Variants in ANXA10 observed in about 807,000 individuals in gnomAD.
ANXA10 encodes the protein annexin A10, also known as annexin 14.
In ANXA10, 49 loss-of-function variants were observed where a neutral mutation model predicts 53.5. The ratio of observed to expected loss-of-function variants is 0.92; its 90% confidence interval spans 0.73 to 1.16. The LOEUF (loss-of-function observed/expected upper bound fraction) is 1.16. Ranked by LOEUF, ANXA10 falls within the 50% of genes most tolerant of loss-of-function variation. ANXA10 has a pLI of 0.00. For synonymous variants in ANXA10, 131 were observed against 128.9 expected, an observed-to-expected ratio of 1.02 and a Z score of -0.11; for missense variants, 393 against 394.4, an observed-to-expected ratio of 1.00 and a Z score of 0.03.
intron 3 of ANXA10, among the ~76,000 whole-genome samples, chr4:168,140,840 G>A (rs1465405709): frequency 1.3e-5 from 2 of 152,084 alleles, no homozygotes; most frequent in African/African-American, 2.4e-5. Context: ...GGCTGGTCTC[G>A]ACCTCCTGAC....
intron 6 of ANXA10, among the ~76,000 whole-genome samples, chr4:168,171,147 C>G (rs1255390501): frequency 6.6e-6 from 1 of 152,252 alleles, no homozygotes; most frequent in African/African-American, 2.4e-5. Flanking sequence ...CTGTGGTGTA[C>G]ACAATTTCAG....
At chr4:168,162,964 G>T (rs963585410) in intron 4 of ANXA10, among the ~76,000 whole-genome samples, 7 of 152,136 alleles carry the variant, frequency 4.6e-5, no homozygotes, top group Non-Finnish European at 7.3e-5. Context: ...CCCTGAGCAT[G>T]TATTCCTATA....
rs1284500447 is a variant in ANXA10 at position 168,118,293 on chromosome 4, C to T, written c.19-9791C>T. ...AGATTAAATATAAACATAAGCATTT[C>T]CTCTTTCAGCTGAAATGAGTATGGT... On this transcript the variant is annotated intron_variant, in intron 1 of 11. Transcript: ENST00000359299. Among the ~76,000 whole-genome samples the T allele has an allele frequency of 5.3e-5, 8 of 152,254 alleles. No homozygotes were observed. The East Asian group carries it at 1.3e-3, about 26-fold the overall frequency.
chr4:168,177,707 C>T (rs552677976), intron 6 of ANXA10, 33 bp from the exon 7 acceptor site: 3 of 1,610,184 alleles, frequency 1.9e-6, no homozygotes, highest in Non-Finnish European at 2.6e-6. Flanking sequence ...TGACTAAGAA[C>T]ATTTACATGG....
rs767502615 is a variant in ANXA10 at position 168,092,694 on chromosome 4, C to G, written c.-7C>G. ...TTTCATCCCTGAGGTTAACAATTACCATCAAAATGTTTTGTGGAGACTATG... is the reference window on the plus strand; with the variant it reads ...TTTCATCCCTGAGGTTAACAATTACGATCAAAATGTTTTGTGGAGACTATG... On this transcript the variant is annotated 5_prime_UTR_variant, in exon 1 of 12. Transcript: ENST00000359299. The G allele has an allele frequency of 5.7e-6, 9 of 1,592,276 alleles. No individual in the cohort carries two copies.
In ANXA10 at chr4:168,187,350, A is replaced by G. The variant is rs1431775303; in HGVS notation, c.907-16A>G. 1.6e-5 allele frequency: 24 copies of G among 1,526,296 alleles called. No homozygotes were observed. Among genetic ancestry groups the G allele is most frequent in the Non-Finnish European group, 2.2e-5 (24 of 1,114,566 alleles). The allele number at this position is 1,526,296 out of a possible 1,614,324, so 94.5% of individuals were successfully genotyped here. A position where few individuals can be genotyped will look rare whatever the true frequency, so the allele number is the denominator to read the frequency against. ...TATGATATTTTATTTCAAATATATT[A>G]TATTTTTCTTTTCAGAATTTTGCTT... On this transcript the variant is annotated splice_polypyrimidine_tract_variant and intron_variant, in intron 11 of 11. Transcript: ENST00000359299.
chr4:168,154,641 A>T (rs1560782849), intron 3 of ANXA10, among the ~76,000 whole-genome samples: 1 of 152,158 alleles, frequency 6.6e-6, no homozygotes. Context: ...TTTGCATTCA[A>T]ACCTTCAACG....
intron 1 of ANXA10, chr4:168,127,870 G>T: frequency 3.0e-6 from 1 of 334,602 alleles, no homozygotes; most frequent in Non-Finnish European, 5.4e-6. Context: ...GGGATTACAG[G>T]CGCCACAACA....
At position 168,187,406 on chromosome 4, in the gene ANXA10, T is replaced by A. The variant is rs769669353; in HGVS notation, c.947T>A (p.Ile316Asn). 2.5e-6 allele frequency: 4 copies of A among 1,599,306 alleles called. No homozygotes were observed. The African/African-American group carries it at 5.4e-5, about 21-fold the overall frequency. The change falls in exon 12 of 12, where the codon ATC (isoleucine) becomes AAC (asparagine). Residue 316 changes from isoleucine (I) to asparagine (N), a missense_variant. Ile to Asn is a moderately radical substitution (Grantham distance 149, BLOSUM62 -3). Transcript: ENST00000359299. ...SGHYKKALLA[I>N]CAGDAEDY is the part of the protein sequence containing the mutation. ...CATTATAAGAAAGCACTGCTTGCCA[T>A]CTGTGCTGGTGATGCTGAGGACTAC...
intron 3 of ANXA10, among the ~76,000 whole-genome samples, chr4:168,155,759 A>G (rs1341598424): frequency 4.0e-5 from 1 of 25,032 alleles, no homozygotes; most frequent in Admixed American, 8.4e-4. Context: ...TATATTATAT[A>G]ATATATGATA....
intron 3 of ANXA10, among the ~76,000 whole-genome samples, chr4:168,153,442 C>CAAAAAAAAAAAAAAAAAA (rs1560782282): frequency 4.7e-5 from 2 of 42,934 alleles, no homozygotes; most frequent in Non-Finnish European, 9.6e-5. Flanking sequence ...AAAAAAAAAA[C>CAAAAAAAAAAAAAAAAAA]AAAAACAAAA....
intron 10 of ANXA10, among the ~76,000 whole-genome samples, chr4:168,184,016 C>T (rs1405119157): frequency 6.6e-6 from 1 of 152,096 alleles, no homozygotes; most frequent in African/African-American, 2.4e-5. Flanking sequence ...TGAATTTAAA[C>T]CGGCAAATAT....
intron 1 of ANXA10, among the ~76,000 whole-genome samples, chr4:168,094,121 T>C (rs940772859): frequency 1.1e-4 from 17 of 152,196 alleles, no homozygotes; most frequent in Admixed American, 1.1e-3. Flanking sequence ...CTAATGTTAC[T>C]ATTTATATGC....
At chr4:168,164,021 A>G (rs894956228) in intron 4 of ANXA10, among the ~76,000 whole-genome samples, 177 bp from the exon 5 acceptor site, 6 of 152,192 alleles carry the variant, frequency 3.9e-5, no homozygotes, top group African/African-American at 1.2e-4. Context: ...TCAGGGTCAA[A>G]TAGGTAGTAA....
chr4:168,143,654 T>C (rs1436990443), intron 3 of ANXA10, among the ~76,000 whole-genome samples: 1 of 152,182 alleles, frequency 6.6e-6, no homozygotes, highest in African/African-American at 2.4e-5. Flanking sequence ...AAACAGACAA[T>C]GATTCTTGGA....
intron 3 of ANXA10, among the ~76,000 whole-genome samples, chr4:168,154,573 T>C (rs868424560): frequency 6.6e-6 from 1 of 152,188 alleles, no homozygotes; most frequent in African/African-American, 2.4e-5. Context: ...TTTCTACCTT[T>C]CTATCAACTG....
rs1284353884 is a variant in ANXA10 at position 168,165,274 on chromosome 4, T to C, written c.428T>C (p.Ile143Thr). ...TACAGCAATAACCTCCAAGAGGACA[T>C]TTATTCAGAGACCTCAGGACACTTC... Reference protein sequence around the residue: ...LQYSNNLQEDIYSETSGHFRD... With the variant: ...LQYSNNLQEDTYSETSGHFRD... Residue 143 changes from isoleucine to threonine, a missense_variant, in exon 6 of 12, where the codon ATT becomes ACT. Physicochemically the swap from Ile to Thr is moderately conservative, Grantham distance 89. Transcript: ENST00000359299. The C allele has an allele frequency of 1.9e-6, 3 of 1,595,114 alleles. No individual in the cohort carries two copies.
chr4:168,176,721 C>T (rs1018891690), intron 6 of ANXA10, among the ~76,000 whole-genome samples: 1 of 152,118 alleles, frequency 6.6e-6, no homozygotes, highest in Admixed American at 6.6e-5. Context: ...GATGACAGGA[C>T]TAGGCACAGT....
At chr4:168,144,689 T>A (rs1731380848) in intron 3 of ANXA10, among the ~76,000 whole-genome samples, 1 of 152,216 alleles carries the variant, frequency 6.6e-6, no homozygotes. Context: ...CCCACAACAA[T>A]GATCCTTAAC....
Sources: allele counts gnomAD v4.1 joint callset (sites outside exome capture counted in the v4.1 genomes callset), GRCh38; gene constraint gnomAD v4.1.1; transcripts MANE v1.5; gene names NCBI Gene and HGNC (gene_info 2026-07-23, HGNC 2026-07-21).